Variants in ITPK1 observed in about 807,000 individuals in gnomAD.
ITPK1 encodes inositol 1,3,4-trisphosphate 5/6-kinase.
A neutral mutation model predicts 45.3 loss-of-function variants in ITPK1; 21 were observed. That is an observed-to-expected ratio of 0.46 (90% CI 0.33 to 0.67). ITPK1 has a LOEUF of 0.67. Among genes scored for constraint, ITPK1 ranks in the 30% least tolerant of loss-of-function variants. The pLI is 0.02. For missense variants in ITPK1, 474 were observed against 573.5 expected (o/e 0.83, Z 1.77); for synonymous variants, 258 against 253.6 (o/e 1.02, Z -0.16).
chr14:93,024,489 G>C (rs1242979114), intron 3 of ITPK1, among the ~76,000 whole-genome samples: 2 of 152,214 alleles, frequency 1.3e-5, no homozygotes, highest in East Asian at 1.9e-4. Flanking sequence ...TCTGTGACTA[G>C]AGCTGACCAT....
chr14:93,106,508 C>T (rs754897516), intron 2 of ITPK1, among the ~76,000 whole-genome samples: 18 of 152,300 alleles, frequency 1.2e-4, no homozygotes, highest in Admixed American at 2.6e-4. Context: ...AAGTGGACAC[C>T]GTCCACCCTG....
chr14:93,016,900 T>A lies in ITPK1; in HGVS notation c.121-99A>T. 1 of 1,513,676 alleles carries A rather than the reference T, an allele frequency of 6.6e-7. No homozygotes were observed. Among genetic ancestry groups the A allele is most frequent in the Non-Finnish European group, 9.0e-7 (1 of 1,116,720 alleles). 93.8% of individuals were successfully genotyped at this position (1,513,676 alleles called of 1,614,324 possible). The stretch of plus-strand genomic sequence containing the variant: ...CCTGGGGCATATCACCAGAGGACCC[T>A]CGAGCCTCCCTGTAGCACTCTGGAG... On this transcript the variant is annotated intron_variant, in intron 3 of 10. Coordinates refer to ENST00000267615, the MANE Select transcript of ITPK1 (RefSeq NM_014216.6). This position sits in a 1 kb window ranked among gnomAD's most constrained non-coding sequence, Gnocchi z 5.0.
chr14:92,982,647 T>C (rs922270654), intron 5 of ITPK1, among the ~76,000 whole-genome samples: 4 of 152,240 alleles, frequency 2.6e-5, no homozygotes, highest in Admixed American at 2.6e-4. Flanking sequence ...TGCGGGCTTC[T>C]GACCCACCCA....
At chr14:93,048,887 T>G (rs567530618) in intron 3 of ITPK1, among the ~76,000 whole-genome samples, 1 of 152,284 alleles carries the variant, frequency 6.6e-6, no homozygotes, top group Admixed American at 6.5e-5. Context: ...AGCCAGAGGT[T>G]GCAGTGAGCC....
chr14:93,004,109 C>T (rs1459696261), intron 4 of ITPK1, among the ~76,000 whole-genome samples: 1 of 152,218 alleles, frequency 6.6e-6, no homozygotes, highest in Non-Finnish European at 1.5e-5. Flanking sequence ...TCAGAGCACA[C>T]CCACGGCATG....
intron 3 of ITPK1, among the ~76,000 whole-genome samples, chr14:93,048,021 C>T (rs994430141): frequency 6.6e-6 from 1 of 152,210 alleles, no homozygotes; most frequent in Non-Finnish European, 1.5e-5. Flanking sequence ...GACATTCAGG[C>T]CAATAAATTC....
intron 3 of ITPK1, among the ~76,000 whole-genome samples, chr14:93,062,766 G>A (rs1402942935): frequency 3.3e-5 from 5 of 152,304 alleles, no homozygotes; most frequent in African/African-American, 1.2e-4. Flanking sequence ...TGCAGGGGCT[G>A]CCAGGCTCAC....
intron 2 of ITPK1, among the ~76,000 whole-genome samples, chr14:93,087,853 G>T (rs991031296): frequency 6.6e-6 from 1 of 152,260 alleles, no homozygotes; most frequent in Non-Finnish European, 1.5e-5. Flanking sequence ...AAGGGGCACT[G>T]GGTACAGCCC....
intron 5 of ITPK1, among the ~76,000 whole-genome samples, chr14:92,990,528 G>A (rs962579878): frequency 2.6e-5 from 4 of 152,194 alleles, no homozygotes; most frequent in East Asian, 1.9e-4. Context: ...TAATTGATAC[G>A]AAGTGGGTGG....
chr14:92,946,652 A>G (rs1422750843), intron 9 of ITPK1, among the ~76,000 whole-genome samples, 159 bp from the exon 10 acceptor site: 1 of 152,232 alleles, frequency 6.6e-6, no homozygotes, highest in Non-Finnish European at 1.5e-5. Flanking sequence ...GCCACTGGCC[A>G]GGTCCTGCCC....
intron 4 of ITPK1, among the ~76,000 whole-genome samples, chr14:93,009,020 G>A (rs1009756023): frequency 9.2e-5 from 14 of 152,194 alleles, no homozygotes; most frequent in African/African-American, 3.4e-4. Flanking sequence ...GCTCGACCAG[G>A]GGTGGCATGG....
chr14:92,965,476 G>A (rs1885293938), intron 5 of ITPK1, among the ~76,000 whole-genome samples: 1 of 152,174 alleles, frequency 6.6e-6, no homozygotes, highest in Admixed American at 6.5e-5. Context: ...ACACTGTACT[G>A]GAGGTTCTAG....
At chr14:93,105,941 G>A (rs1000204095) in intron 2 of ITPK1, among the ~76,000 whole-genome samples, 13 of 152,040 alleles carry the variant, frequency 8.6e-5, no homozygotes, top group African/African-American at 3.1e-4. Flanking sequence ...CTGACCTCAG[G>A]TGATCCGCCC....
At chr14:93,095,440 A>G (rs748227998) in intron 2 of ITPK1, among the ~76,000 whole-genome samples, 3 of 152,148 alleles carry the variant, frequency 2.0e-5, no homozygotes, top group African/African-American at 4.8e-5. Flanking sequence ...AGTCCCTCCA[A>G]TTCCAAAGCC....
At chr14:93,027,494 A>G (rs1280867338) in intron 3 of ITPK1, among the ~76,000 whole-genome samples, 1 of 152,136 alleles carries the variant, frequency 6.6e-6, no homozygotes, top group Non-Finnish European at 1.5e-5. Context: ...GGGGACACCA[A>G]GGCAACTCGC....
At chr14:93,022,493 G>A (rs569567252) in intron 3 of ITPK1, among the ~76,000 whole-genome samples, 8 of 151,974 alleles carry the variant, frequency 5.3e-5, no homozygotes, top group Non-Finnish European at 1.0e-4. Flanking sequence ...AATCCACCCT[G>A]GCCAACATGG....
Position 92,938,636 on chromosome 14 carries a change from G to T in ITPK1, c.*2925C>A. ...GCCCCATGGAACCTGCCAGGTTGCA[G>T]CTGGGTCCAATCCCGCCGGCCATGC... On this transcript the variant is annotated 3_prime_UTR_variant, in exon 11 of 11. Coordinates refer to ENST00000267615, the MANE Select transcript of ITPK1 (RefSeq NM_014216.6). 1.1e-6 allele frequency: 1 copy of T among 899,246 alleles called. No individual in the cohort carries two copies. Among genetic ancestry groups the T allele is most frequent in the Non-Finnish European group, 1.8e-6 (1 of 553,676 alleles). The allele number at this position is 899,246 out of a possible 1,614,324, so 55.7% of individuals were successfully genotyped here.
intron 10 of ITPK1, among the ~76,000 whole-genome samples, chr14:92,945,697 C>T (rs571393834): frequency 1.5e-4 from 23 of 152,324 alleles, no homozygotes; most frequent in African/African-American, 4.8e-4. Context: ...TTCCTCATGC[C>T]CTGTGCTGGG....
intron 2 of ITPK1, among the ~76,000 whole-genome samples, chr14:93,078,561 C>T (rs916425535): frequency 4.6e-5 from 7 of 152,182 alleles, no homozygotes; most frequent in Non-Finnish European, 8.8e-5. Context: ...AGCTTGTCTG[C>T]AGTTCCTGTA....
Sources: gnomAD v4.1 joint callset for allele counts (sites outside exome capture counted in the v4.1 genomes callset) on GRCh38, gnomAD v4.1.1 for gene constraint, Gnocchi (gnomAD v3.1) non-coding constraint, MANE v1.5 for transcripts, NCBI Gene and HGNC (gene_info 2026-07-23, HGNC 2026-07-21) for gene names.